TOPORS: variants seen among roughly 807,000 people sequenced by gnomAD.
The protein encoded by TOPORS is E3 ubiquitin-protein ligase Topors.
Under a neutral mutation model 81.4 loss-of-function variants are expected in TOPORS, and 25 were observed. The ratio of observed to expected loss-of-function variants is 0.31; its 90% confidence interval spans 0.22 to 0.43. TOPORS has a LOEUF of 0.43. TOPORS is among the 20% of genes least tolerant of loss of function. The pLI is 1.00. For synonymous variants in TOPORS, 473 were observed against 456.6 expected (o/e 1.04, Z -0.46); for missense variants, 1,101 against 1,267.0 (o/e 0.87, Z 1.99).
At chr9:32,550,640 TG>T in intron 2 of TOPORS, 133 bp downstream of exon 2, 1 of 1,004,230 alleles carries the variant, frequency 1.0e-6, no homozygotes, top group Non-Finnish European at 1.5e-6. Flanking sequence ...GCCCTGGCCC[TG>T]GCCCGCCGAG....
chr9:32,543,561 T>C lies in TOPORS; in HGVS notation c.964A>G (p.Ile322Val). The C allele has an allele frequency of 6.2e-7, 1 of 1,613,910 alleles. No homozygotes were observed. The highest frequency in any genetic ancestry group is 2.2e-5 in the East Asian group (1 of 44,886). The change falls in exon 3 of 3, where the codon ATC becomes GTC. Residue 322 changes from isoleucine (I) to valine (V), a missense_variant. Physicochemically the swap from Ile to Val is conservative, Grantham distance 29. Transcript: ENST00000360538. The surrounding 1 kb of genome is among the most constrained non-coding windows in gnomAD (Gnocchi z 5.6). ...TCATAGCGAGTAACATTACTCATGA[T>C]AATATGCTGGACAATATTCACTAAA... ...GSLVNIVQHIIMSNVTRYDLE... is the reference protein window; with the variant it reads ...GSLVNIVQHIVMSNVTRYDLE...
chr9:32,551,448 TC>T, intron 1 of TOPORS: 1 of 280,306 alleles, frequency 3.6e-6, no homozygotes, highest in Non-Finnish European at 7.2e-6. Flanking sequence ...TATAAAGTCT[TC>T]AGAGAGGGAT....
At position 32,542,268 on chromosome 9, in the gene TOPORS, T is replaced by C. The variant is rs146486139; in HGVS notation, c.2257A>G (p.Lys753Glu). 2.5e-6 allele frequency: 4 copies of C among 1,614,028 alleles called. No individual in the cohort carries two copies. Among genetic ancestry groups the C allele is most frequent in the African/African-American group, 2.7e-5 (2 of 74,892 alleles). ...SFSERTNARK[K>E]NNHSERKYYY... ...TACTTCCTCTCACTGTGATTATTTT[T>C]TTTCCTAGCATTTGTTCTTTCAGAA... The change falls in exon 3 of 3, where the codon AAA (lysine) becomes GAA (glutamate). Residue 753 changes from lysine to glutamate, a missense_variant. Lys to Glu is a moderately conservative substitution (Grantham distance 56, BLOSUM62 1). Transcript: ENST00000360538.
chr9:32,543,846 T>G lies in TOPORS; in HGVS notation c.679A>C (p.Ile227Leu), dbSNP rs191483088. The change falls in exon 3 of 3, where the codon ATT becomes CTT. Residue 227 changes from isoleucine (I) to leucine (L), a missense_variant. Around this residue, in one of 9 missense-constraint regions of TOPORS, gnomAD observed 120 missense variants for 115.4 expected, o/e 1.04. Transcript: ENST00000360538. This position sits in a 1 kb window ranked among gnomAD's most constrained non-coding sequence, Gnocchi z 5.6. ...GCAATCTGTCTCATAAACTGAGGAA[T>G]TTCAACATCTCTAGGTCTTGTTGAA... ...GISTRPRDVE[I>L]PQFMRQIAVR... is the part of the protein sequence containing the mutation. 1.1e-5 allele frequency: 18 copies of G among 1,614,066 alleles called. No homozygotes were observed. In the African/African-American group the frequency reaches 2.1e-4, roughly 19 times the overall value.
At position 32,541,756 on chromosome 9, in the gene TOPORS, ATCC is replaced by A; in HGVS notation, c.2766_2768del (p.Glu922del). The A allele has an allele frequency of 6.2e-7, 1 of 1,614,202 alleles. No individual in the cohort carries two copies. The highest frequency in any genetic ancestry group is 1.3e-5 in the African/African-American group (1 of 75,046). On this transcript the variant is annotated inframe_deletion, in exon 3 of 3. Coordinates refer to ENST00000360538, the MANE Select transcript of TOPORS (RefSeq NM_005802.5). Reference sequence around the variant, plus strand: ...GAGGACCACTATTGTCACATTCTGTATCCTCCTTTACTTCAGAATCCTTATCAC... The same window carrying A: ...GAGGACCACTATTGTCACATTCTGTATCCTTTACTTCAGAATCCTTATCAC...
chr9:32,551,140 CT>C, intron 1 of TOPORS, 172 bp from the exon 2 acceptor site: 1 of 782,336 alleles, frequency 1.3e-6, no homozygotes, highest in Non-Finnish European at 2.1e-6. Context: ...AATGCGGCCC[CT>C]CCCCCGCCGC....
In TOPORS at chr9:32,540,877, T is replaced by C. The variant is rs1251948494; in HGVS notation, c.*510A>G. 1 of 152,814 alleles carries C rather than the reference T, an allele frequency of 6.5e-6. No homozygotes were observed. Among genetic ancestry groups the C allele is most frequent in the African/African-American group, 2.4e-5 (1 of 41,466 alleles). 9.5% of individuals were successfully genotyped at this position (152,814 alleles called of 1,614,324 possible). A position where few individuals can be genotyped will look rare whatever the true frequency, so the allele number is the denominator to read the frequency against. ...GTATATAAAGGAAATAGTAAATTTT[T>C]ATTTTGGCAGAAGATAAACTGTGCA... On this transcript the variant is annotated 3_prime_UTR_variant, in exon 3 of 3. Coordinates refer to ENST00000360538, the MANE Select transcript of TOPORS (RefSeq NM_005802.5).
rs1563983151 is a variant in TOPORS, at chr9:32,541,971, CTCTG to C, written c.2550_2553del (p.Asp850GlufsTer15). The C allele has an allele frequency of 6.2e-7, 1 of 1,613,602 alleles. No homozygotes were observed. The highest frequency in any genetic ancestry group is 8.5e-7 in the Non-Finnish European group (1 of 1,179,934). On this transcript the variant is annotated frameshift_variant, in exon 3 of 3. Transcript: ENST00000360538. LOFTEE classifies it high-confidence loss of function. ...CTTTTTCTCCTTTTGTGTTTTGTCT[CTCTG>C]TCTGATGATCGGCTGTCTGAAAAGG...
Position 32,543,952 on chromosome 9 carries a change from A to G in TOPORS, c.573T>C (p.Ser191=). Residue 191 remains serine, a synonymous_variant, in exon 3 of 3, where the codon TCT becomes TCC. Coordinates refer to ENST00000360538, the MANE Select transcript of TOPORS (RefSeq NM_005802.5). This position sits in a 1 kb window ranked among gnomAD's most constrained non-coding sequence, Gnocchi z 5.6. ...RTTLTRERNA[S]VYSPSGPVNR... is the part of the protein sequence containing the mutation. Reference sequence around the variant, plus strand: ...TCACAGGACCACTAGGTGAATACACAGAAGCATTTCGTTCCCTTGTCAGAG... The same window carrying G: ...TCACAGGACCACTAGGTGAATACACGGAAGCATTTCGTTCCCTTGTCAGAG... The G allele has an allele frequency of 6.2e-7, 1 of 1,614,182 alleles. No homozygotes were observed.
At chr9:32,550,002 T>C (rs1294562102) in intron 2 of TOPORS, among the ~76,000 whole-genome samples, 2 of 152,242 alleles carry the variant, frequency 1.3e-5, no homozygotes, top group African/African-American at 4.8e-5. Flanking sequence ...ACAAGTATGA[T>C]TGATTTTAGC....
In TOPORS at chr9:32,550,840, A is replaced by G. The variant is rs1467289716; in HGVS notation, c.132T>C (p.Pro44=). 6.2e-7 allele frequency: 1 copy of G among 1,612,964 alleles called. No individual in the cohort carries two copies. The highest frequency in any genetic ancestry group is 1.7e-5 in the Admixed American group (1 of 60,008). Residue 44 remains proline, a synonymous_variant, in exon 2 of 3, where the codon CCT becomes CCC. Coordinates refer to ENST00000360538, the MANE Select transcript of TOPORS (RefSeq NM_005802.5). ...VRLRGSCRHR[P]SFLGCRELAA... ...CGAGCTCCCGGCAGCCCAGAAAGCT[A>G]GGTCGGTGTCGGCAGGATCCGCGAA...
rs1821075864 is a variant in TOPORS at position 32,542,219 on chromosome 9, G to A, written c.2306C>T (p.Ser769Leu). ...TGATCTGTTACTAGACAGGCTCCTTGATCTGTGCCTTTCATAGTAGTAATA... is the reference window on the plus strand; with the variant it reads ...TGATCTGTTACTAGACAGGCTCCTTAATCTGTGCCTTTCATAGTAGTAATA... ...RKYYYYERHRSRSLSSNRSRT... is the reference protein window; with the variant it reads ...RKYYYYERHRLRSLSSNRSRT... Residue 769 changes from serine to leucine, a missense_variant, in exon 3 of 3, where the codon TCA (serine) becomes TTA (leucine). Transcript: ENST00000360538. 1.2e-6 allele frequency: 2 copies of A among 1,613,998 alleles called. No individual in the cohort carries two copies. The highest frequency in any genetic ancestry group is 1.1e-5 in the South Asian group (1 of 91,080).
rs536534149 is a variant in TOPORS at position 32,540,590 on chromosome 9, T to A, written c.*797A>T. ...TTATTTAGCAAGTTAAATGCTGTTT[T>A]TACTGATGATAGAAAGCAAATAAGA... On this transcript the variant is annotated 3_prime_UTR_variant, in exon 3 of 3. Transcript: ENST00000360538. The A allele has an allele frequency of 1.3e-5, 2 of 152,500 alleles. No homozygotes were observed. Among genetic ancestry groups the A allele is most frequent in the East Asian group, 3.9e-4 (2 of 5,182 alleles). The allele number at this position is 152,500 out of a possible 1,614,324, so 9.4% of individuals were successfully genotyped here.
intron 2 of TOPORS, among the ~76,000 whole-genome samples, chr9:32,547,999 A>ATT (rs747727912): frequency 0.17 from 14,331 of 83,588 alleles, 1,603 homozygotes; most frequent in African/African-American, 0.25. Context: ...CACGCTCGGC[A>ATT]TTTTTTTTTT....
At position 32,542,588 on chromosome 9, in the gene TOPORS, G is replaced by C. The variant is rs771160936; in HGVS notation, c.1937C>G (p.Ser646Ter). 1 of 1,613,988 alleles carries C rather than the reference G, an allele frequency of 6.2e-7. No homozygotes were observed. The highest frequency in any genetic ancestry group is 8.5e-7 in the Non-Finnish European group (1 of 1,180,004). Residue 646 changes from serine to a stop codon, truncating the protein, a stop_gained, in exon 3 of 3, where the codon TCA becomes TGA. Transcript: ENST00000360538. LOFTEE classifies it high-confidence loss of function. The stretch of plus-strand genomic sequence containing the variant: ...GGACCAACTGCTATCTCTAGTTCTT[G>C]ATCTCTTTTTGTCTCTTCTCCCTCT... ...RPRGRRDKKR[S>*]RTRDSSWSRR...
chr9:32,547,916 C>G (rs938742660), intron 2 of TOPORS, among the ~76,000 whole-genome samples: 2 of 151,790 alleles, frequency 1.3e-5, no homozygotes, highest in Non-Finnish European at 2.9e-5. Context: ...ACTGCAAGCT[C>G]CGCCTCCCGG....
chr9:32,549,032 G>A (rs910879695), intron 2 of TOPORS, among the ~76,000 whole-genome samples: 1 of 151,654 alleles, frequency 6.6e-6, no homozygotes, highest in African/African-American at 2.4e-5. Context: ...ATCTATGGCC[G>A]GGCGTGGTGG....
chr9:32,542,604 T>C lies in TOPORS; in HGVS notation c.1921A>G (p.Arg641Gly). 2 of 1,614,142 alleles carry C rather than the reference T, an allele frequency of 1.2e-6. No homozygotes were observed. Among genetic ancestry groups the C allele is most frequent in the Non-Finnish European group, 1.7e-6 (2 of 1,180,020 alleles). The change falls in exon 3 of 3, where the codon AGA becomes GGA. Residue 641 changes from arginine (R) to glycine (G), a missense_variant. Arg to Gly is a moderately radical substitution (Grantham distance 125). This residue lies in a region of TOPORS where 605 missense variants were observed against 636.1 expected (regional missense o/e 0.95). Transcript: ENST00000360538. Reference sequence around the variant, plus strand: ...CTAGTTCTTGATCTCTTTTTGTCTCTTCTCCCTCTAGGTCTGCTACTTTCC... The same window carrying C: ...CTAGTTCTTGATCTCTTTTTGTCTCCTCTCCCTCTAGGTCTGCTACTTTCC... ...SRESSRPRGRRDKKRSRTRDS... is the reference protein window; with the variant it reads ...SRESSRPRGRGDKKRSRTRDS...
intron 2 of TOPORS, among the ~76,000 whole-genome samples, chr9:32,547,529 A>G (rs549986250): frequency 7.2e-5 from 11 of 152,358 alleles, no homozygotes; most frequent in African/African-American, 2.6e-4. Flanking sequence ...AAAAAGGAAC[A>G]AAGTACTGGT....
Sources: gnomAD v4.1 joint callset for allele counts (sites outside exome capture counted in the v4.1 genomes callset) on GRCh38, gnomAD v4.1.1 for gene constraint, gnomAD v4.1.1 regional missense constraint, Gnocchi (gnomAD v3.1) non-coding constraint, MANE v1.5 for transcripts, NCBI Gene and HGNC (gene_info 2026-07-23, HGNC 2026-07-21) for gene names.